Variants in RLF observed in about 807,000 individuals in gnomAD.
RLF encodes the protein RLF zinc finger.
RLF carries 7 observed loss-of-function variants against 162.9 expected under a neutral mutation model. The ratio of observed to expected loss-of-function variants is 0.04; its 90% CI spans 0.02 to 0.08. The LOEUF (loss-of-function observed/expected upper bound fraction) is 0.08. Among genes scored for constraint, RLF ranks in the 10% least tolerant of loss-of-function variants. RLF has a pLI of 1.00. For synonymous variants in RLF, 782 were observed against 791.5 expected, an observed-to-expected ratio of 0.99 and a Z score of 0.20; for missense variants, 1,664 against 2,244.7, an observed-to-expected ratio of 0.74 and a Z score of 5.23.
At chr1:40,203,078 A>AACTGGAT (rs1457699028) in intron 5 of RLF, among the ~76,000 whole-genome samples, 7 of 151,466 alleles carry the variant, frequency 4.6e-5, no homozygotes, top group Non-Finnish European at 7.4e-5. Context: ...TAAGTGGCCA[A>AACTGGAT]ACTGGATATC....
chr1:40,179,870 A>G (rs1248946942), intron 1 of RLF, among the ~76,000 whole-genome samples: 2 of 152,190 alleles, frequency 1.3e-5, no homozygotes, highest in African/African-American at 4.8e-5. Flanking sequence ...TGTGACTGCC[A>G]TATTTCACTT....
In RLF at chr1:40,174,344, A is replaced by G. The variant is rs373304827; in HGVS notation, c.237+12708A>G. ...CAAGATTGCACCACTGCACTCCAACATGGGTAACAGAGTGAGACTCTGTCT... is the reference window on the plus strand; with the variant it reads ...CAAGATTGCACCACTGCACTCCAACGTGGGTAACAGAGTGAGACTCTGTCT... On this transcript the variant is annotated intron_variant, in intron 1 of 7. Transcript: ENST00000372771. Among the ~76,000 whole-genome samples the G allele has an allele frequency of 9.2e-5, 14 of 151,864 alleles. 1 individual carries two copies. Among genetic ancestry groups the G allele is most frequent in the East Asian group, 3.9e-4 (2 of 5,168 alleles).
chr1:40,178,626 T>TGTTTTGTTTTG (rs1261760265), intron 1 of RLF, among the ~76,000 whole-genome samples: 5,978 of 146,276 alleles, frequency 0.041, 490 homozygotes, highest in African/African-American at 0.15. Context: ...GGTGTTTTTT[T>TGTTTTGTTTTG]TTTTTGTTTT....
At chr1:40,231,776 T>A in intron 7 of RLF, 118 bp downstream of exon 7, 3 of 929,438 alleles carry the variant, frequency 3.2e-6, no homozygotes, top group Non-Finnish European at 4.7e-6. Context: ...TTAATAAGAT[T>A]AATGGAATTG....
chr1:40,208,820 AACAAAAAAAC>A (rs1466366114), intron 5 of RLF, among the ~76,000 whole-genome samples: 1 of 152,214 alleles, frequency 6.6e-6, no homozygotes, highest in African/African-American at 2.4e-5. Flanking sequence ...CTGTCTCAAA[AACAAAAAAAC>A]TTTGAATTTT....
intron 1 of RLF, among the ~76,000 whole-genome samples, chr1:40,174,124 G>A (rs994876088): frequency 2.0e-5 from 3 of 152,220 alleles, no homozygotes; most frequent in African/African-American, 7.2e-5. Context: ...TGTAATCCCA[G>A]CACTTTGGGA....
intron 6 of RLF, among the ~76,000 whole-genome samples, chr1:40,229,000 T>C (rs1212283133): frequency 1.3e-5 from 2 of 152,136 alleles, no homozygotes; most frequent in Non-Finnish European, 2.9e-5. Flanking sequence ...TTTAGGGTCT[T>C]ACTGCGTTGC....
At chr1:40,179,783 A>G (rs1437696441) in intron 1 of RLF, among the ~76,000 whole-genome samples, 3 of 152,052 alleles carry the variant, frequency 2.0e-5, no homozygotes, top group Non-Finnish European at 4.4e-5. Flanking sequence ...GGCAACCATC[A>G]TTCTACTATC....
intron 3 of RLF, among the ~76,000 whole-genome samples, chr1:40,193,639 C>G (rs1223713897): frequency 3.3e-5 from 5 of 152,028 alleles, no homozygotes; most frequent in African/African-American, 1.2e-4. Flanking sequence ...GCTGTTAAAG[C>G]AAAATTGCAG....
At chr1:40,193,271 T>A (rs1386230332) in intron 3 of RLF, among the ~76,000 whole-genome samples, 1 of 152,166 alleles carries the variant, frequency 6.6e-6, no homozygotes, top group African/African-American at 2.4e-5. Context: ...GTTTTTGTAG[T>A]TTTATAGATT....
At chr1:40,227,255 T>C (rs1305400726) in intron 6 of RLF, among the ~76,000 whole-genome samples, 1 of 152,224 alleles carries the variant, frequency 6.6e-6, no homozygotes, top group African/African-American at 2.4e-5. Context: ...AGCTAGGTAA[T>C]GGGCTAAATC....
In RLF at chr1:40,231,683, T is replaced by C; in HGVS notation, c.1089+25T>C. ...AGTGAGTACTTTATGCCTTCTCTGC[T>C]AACTGTAGCTGGAGGAAAGAAATGA... On this transcript the variant is annotated intron_variant, in intron 7 of 7. Transcript: ENST00000372771. The C allele has an allele frequency of 1.9e-6, 3 of 1,582,936 alleles. No homozygotes were observed. In the South Asian group the frequency reaches 3.5e-5, roughly 18 times the overall value.
rs1257605407 is a variant in RLF at position 40,161,977 on chromosome 1, C to T, written c.237+341C>T. On this transcript the variant is annotated intron_variant, in intron 1 of 7. Coordinates refer to ENST00000372771, the MANE Select transcript of RLF (RefSeq NM_012421.4). The surrounding 1 kb of genome is among the most constrained non-coding windows in gnomAD (Gnocchi z 4.4). ...TGAGGGATTGATTGCTTGTCCCTGC[C>T]GGGAGATCCTTTTTTGAGTGGAGTG... Among the ~76,000 whole-genome samples the T allele has an allele frequency of 6.6e-6, 1 of 152,194 alleles. No individual in the cohort carries two copies. Among genetic ancestry groups the T allele is most frequent in the Non-Finnish European group, 1.5e-5 (1 of 68,032 alleles).
intron 1 of RLF, among the ~76,000 whole-genome samples, chr1:40,169,609 C>T (rs1214897958): frequency 2.7e-5 from 3 of 112,488 alleles, no homozygotes; most frequent in Non-Finnish European, 5.0e-5. Context: ...GGCGACAGAG[C>T]GAGACTCCGT....
rs532931886 is a variant in RLF at position 40,179,912 on chromosome 1, A to T, written c.238-9143A>T. 2.0e-5 allele frequency among the ~76,000 whole-genome samples: 3 copies of T among 152,298 alleles called. No homozygotes were observed. In the South Asian group the frequency reaches 6.2e-4, roughly 32 times the overall value. ...GTGTCCTCAAGATATATCATGTTGT[A>T]TCATGTCAGAATTTTCTTCCCCTTT... On this transcript the variant is annotated intron_variant, in intron 1 of 7. Transcript: ENST00000372771.
intron 1 of RLF, among the ~76,000 whole-genome samples, chr1:40,182,753 GTAGATAGATAGATAGATAGA>G (rs10591738): frequency 4.0e-5 from 6 of 148,874 alleles, no homozygotes; most frequent in East Asian, 4.0e-4. Flanking sequence ...AGATAGATAG[GTAGATAGATAGATAGATAGA>G]TAGATAGATA....
intron 5 of RLF, among the ~76,000 whole-genome samples, chr1:40,207,083 A>G (rs1321908960): frequency 6.6e-6 from 1 of 152,176 alleles, no homozygotes; most frequent in Non-Finnish European, 1.5e-5. Context: ...ACTAGGCATC[A>G]TATTTGATTA....
chr1:40,181,643 G>A lies in RLF; in HGVS notation c.238-7412G>A, dbSNP rs372011771. Among the ~76,000 whole-genome samples, 13 of 152,246 alleles carry A rather than the reference G, an allele frequency of 8.5e-5. 1 individual carries two copies. Among genetic ancestry groups the A allele is most frequent in the East Asian group, 3.9e-4 (2 of 5,188 alleles). On this transcript the variant is annotated intron_variant, in intron 1 of 7. Transcript: ENST00000372771. ...AATATATGAAAAATTTTCTTGAACT[G>A]CAACAGTGATTAAAAGAATGTAAAT... is the stretch of plus-strand genomic sequence containing the variant.
At chr1:40,211,023 A>G (rs755661306) in intron 5 of RLF, among the ~76,000 whole-genome samples, 2 of 152,224 alleles carry the variant, frequency 1.3e-5, no homozygotes, top group Non-Finnish European at 2.9e-5. Context: ...CTGTTTTTAT[A>G]AATAAAGCTT....
Sources: gnomAD v4.1 joint callset for allele counts (sites outside exome capture counted in the v4.1 genomes callset) on GRCh38, gnomAD v4.1.1 for gene constraint, Gnocchi (gnomAD v3.1) non-coding constraint, MANE v1.5 for transcripts, NCBI Gene and HGNC (gene_info 2026-07-23, HGNC 2026-07-21) for gene names.